VENTX: variants seen among roughly 807,000 people sequenced by gnomAD.
The protein encoded by VENTX is homeobox protein VENTX.
In VENTX, 13 loss-of-function variants were observed where a neutral mutation model predicts 10.5. That is an observed-to-expected ratio of 1.23 (90% CI 0.80 to 1.96). The LOEUF (loss-of-function observed/expected upper bound fraction) is 1.96. Ranked by LOEUF, VENTX falls within the 30% of genes most tolerant of loss-of-function variation. VENTX has a pLI of 0.00. For missense variants in VENTX, 400 were observed against 341.8 expected (o/e 1.17, Z -1.34); for synonymous variants, 177 against 150.4 (o/e 1.18, Z -1.29).
At position 133,238,174 on chromosome 10, in the gene VENTX, G is replaced by A. The variant is rs76544574; in HGVS notation, c.241+19G>A. ...ATGGCCGGTAGGTCCGGGTGGGGGG[G>A]GTCCCTTCCTTCCCAGGTGGAGATG... On this transcript the variant is annotated intron_variant, in intron 1 of 2. Transcript: ENST00000325980. 6.0e-3 allele frequency: 9,419 copies of A among 1,570,856 alleles called. 372 individuals carry two copies. The African/African-American group carries it at 0.089, about 15-fold the overall frequency.
In VENTX at chr10:133,238,013, C is replaced by A; in HGVS notation, c.99C>A (p.His33Gln). Reference protein sequence around the residue: ...LSQSSCSGPTHTPRPADFSLG... With the variant: ...LSQSSCSGPTQTPRPADFSLG... ...AGAGCAGCTGCTCAGGGCCGACCCA[C>A]ACCCCCAGGCCTGCCGACTTCTCCC... Residue 33 changes from histidine (H) to glutamine (Q), a missense_variant, in exon 1 of 3, where the codon CAC (histidine) becomes CAA (glutamine). By Grantham distance (24) the His-to-Gln change is conservative (BLOSUM62 0). Transcript: ENST00000325980. The A allele has an allele frequency of 6.2e-7, 1 of 1,600,390 alleles. No homozygotes were observed. The highest frequency in any genetic ancestry group is 8.5e-7 in the Non-Finnish European group (1 of 1,176,158).
chr10:133,239,612 C>A (rs1044312856), intron 1 of VENTX, 64 bp from the exon 2 acceptor site: 8 of 1,581,964 alleles, frequency 5.1e-6, no homozygotes, highest in South Asian at 1.1e-5. Context: ...ACCTGTTACC[C>A]GTGGGCACGA....
At chr10:133,238,981 A>C (rs969670394) in intron 1 of VENTX, among the ~76,000 whole-genome samples, 2 of 152,202 alleles carry the variant, frequency 1.3e-5, no homozygotes, top group Non-Finnish European at 2.9e-5. Context: ...CCAGTCCTAC[A>C]GCCCTCCCTG....
In VENTX at chr10:133,239,563, G is replaced by A. The variant is rs1845899425; in HGVS notation, c.242-113G>A. On this transcript the variant is annotated intron_variant, in intron 1 of 2. Coordinates refer to ENST00000325980, the MANE Select transcript of VENTX (RefSeq NM_014468.4). ...GGTGCTGCTGGTCACTGTCAGGTGA[G>A]AAGATCTGCCCTGCCCAGCCCCCAG... is the stretch of plus-strand genomic sequence containing the variant. The A allele has an allele frequency of 3.0e-6, 4 of 1,325,384 alleles. No individual in the cohort carries two copies. In the East Asian group the frequency reaches 7.5e-5, roughly 25 times the overall value. The allele number at this position is 1,325,384 out of a possible 1,614,324, so 82.1% of individuals were successfully genotyped here.
chr10:133,239,534 C>T lies in VENTX; in HGVS notation c.242-142C>T, dbSNP rs371351901. The T allele has an allele frequency of 7.6e-4, 752 of 986,062 alleles. 6 individuals are homozygous for T. In the South Asian group the frequency reaches 0.011, roughly 15 times the overall value. 61.1% of individuals were successfully genotyped at this position (986,062 alleles called of 1,614,324 possible). On this transcript the variant is annotated intron_variant, in intron 1 of 2. Coordinates refer to ENST00000325980, the MANE Select transcript of VENTX (RefSeq NM_014468.4). ...TTTCCGCATGTGACCTGGGAGGCGG[C>T]GGGGGTGCTGCTGGTCACTGTCAGG...
At chr10:133,239,273 G>A (rs114607007) in intron 1 of VENTX, among the ~76,000 whole-genome samples, 13 of 151,534 alleles carry the variant, frequency 8.6e-5, no homozygotes, top group African/African-American at 2.9e-4. Flanking sequence ...GTTGGCCTCC[G>A]CTGGCTGAGG....
Position 133,240,499 on chromosome 10 carries a change from T to C in VENTX, c.*193T>C. On this transcript the variant is annotated 3_prime_UTR_variant, in exon 3 of 3. Transcript: ENST00000325980. ...ATGTAAATACACATATACGTATATA[T>C]AAATATATATATACATATGTGTGTG... is the stretch of plus-strand genomic sequence containing the variant. 1 of 196,858 alleles carries C rather than the reference T, an allele frequency of 5.1e-6. No homozygotes were observed. Among genetic ancestry groups the C allele is most frequent in the South Asian group, 1.7e-4 (1 of 5,802 alleles). 12.2% of individuals were successfully genotyped at this position (196,858 alleles called of 1,614,324 possible).
At chr10:133,239,177 C>T (rs1022343193) in intron 1 of VENTX, among the ~76,000 whole-genome samples, 13 of 152,208 alleles carry the variant, frequency 8.5e-5, no homozygotes, top group East Asian at 5.8e-4. Context: ...CAGACCACCT[C>T]GTGGGGCCGT....
chr10:133,238,662 T>A (rs1028224524), intron 1 of VENTX, among the ~76,000 whole-genome samples: 6 of 152,190 alleles, frequency 3.9e-5, no homozygotes, highest in Non-Finnish European at 5.9e-5. Flanking sequence ...GTGACCCCGA[T>A]GCCTGCAGAA....
chr10:133,238,960 C>G (rs989093526), intron 1 of VENTX, among the ~76,000 whole-genome samples: 2 of 152,214 alleles, frequency 1.3e-5, no homozygotes, highest in African/African-American at 4.8e-5. Flanking sequence ...CCCGCAACCC[C>G]CTTTCTGATG....
intron 1 of VENTX, among the ~76,000 whole-genome samples, chr10:133,239,304 A>ATGGGTGCCCCTGGG (rs1845894964): frequency 6.6e-6 from 1 of 152,090 alleles, no homozygotes; most frequent in East Asian, 1.9e-4. Flanking sequence ...CGGGACAGGG[A>ATGGGTGCCCCTGGG]TGGGTGCCCC....
chr10:133,240,011 G>T lies in VENTX; in HGVS notation c.482G>T (p.Gly161Val), dbSNP rs756488565. 1.9e-6 allele frequency: 3 copies of T among 1,612,176 alleles called. No individual in the cohort carries two copies. The Admixed American group carries it at 5.0e-5, about 27-fold the overall frequency. Residue 161 changes from glycine to valine, a missense_variant, in exon 3 of 3, where the codon GGG becomes GTG. Transcript: ENST00000325980. ...QDPQLHSPFS[G>V]SLHAPPAFYS... ...CCCCAGCTGCACAGCCCCTTCTCGG[G>T]GTCTCTCCATGCGCCCCCAGCTTTC...
chr10:133,240,363 T>A lies in VENTX; in HGVS notation c.*57T>A. 6.6e-7 allele frequency: 1 copy of A among 1,513,656 alleles called. No individual in the cohort carries two copies. Among genetic ancestry groups the A allele is most frequent in the Non-Finnish European group, 8.8e-7 (1 of 1,132,666 alleles). The allele number at this position is 1,513,656 out of a possible 1,614,324, so 93.8% of individuals were successfully genotyped here. On this transcript the variant is annotated 3_prime_UTR_variant, in exon 3 of 3. Transcript: ENST00000325980. ...TTGCTGATCGCACCTGGCTCCTACC[T>A]GGAGGACTCAGTTGTTCTGTTTACA...
At position 133,239,792 on chromosome 10, in the gene VENTX, G is replaced by A. The variant is rs761744706; in HGVS notation, c.358G>A (p.Glu120Lys). ...GCACCACCAGTACCTGAGCCCTCTG[G>A]AGCGGAAGAGGCTGGCCAGGGAGAT... ...FQHHQYLSPL[E>K]RKRLAREMQL... The change falls in exon 2 of 3, where the codon GAG becomes AAG. Residue 120 changes from glutamate to lysine, a missense_variant. Transcript: ENST00000325980. 2 of 1,611,462 alleles carry A rather than the reference G, an allele frequency of 1.2e-6. No homozygotes were observed. Among genetic ancestry groups the A allele is most frequent in the African/African-American group, 2.7e-5 (2 of 74,812 alleles).
At chr10:133,239,596 G>A (rs1192167300) in intron 1 of VENTX, 80 bp from the exon 2 acceptor site, 3 of 1,539,636 alleles carry the variant, frequency 1.9e-6, no homozygotes, top group Non-Finnish European at 2.6e-6. Context: ...CAGCATGGCT[G>A]TCTTCACCTG....
chr10:133,239,000 C>A (rs1845891649), intron 1 of VENTX, among the ~76,000 whole-genome samples: 1 of 152,254 alleles, frequency 6.6e-6, no homozygotes, highest in Non-Finnish European at 1.5e-5. Context: ...TGCCAGAAGG[C>A]ATTTGCTTTT....
intron 1 of VENTX, 92 bp downstream of exon 1, chr10:133,238,247 C>T (rs940903713): frequency 7.0e-7 from 1 of 1,436,342 alleles, no homozygotes; most frequent in East Asian, 2.4e-5. Flanking sequence ...CCCCGCGGTG[C>T]CCTGCCCACT....
chr10:133,238,216 C>A, intron 1 of VENTX, 61 bp downstream of exon 1: 1 of 1,498,296 alleles, frequency 6.7e-7, no homozygotes, highest in Non-Finnish European at 8.9e-7. Context: ...GGGGAGAGGC[C>A]AGGAGCCCGG....
chr10:133,239,709 C>T lies in VENTX; in HGVS notation c.275C>T (p.Pro92Leu). The T allele has an allele frequency of 6.2e-7, 1 of 1,611,136 alleles. No homozygotes were observed. ...LSKEPNTLRA[P>L]RVRTAFTMEQ... ...AAGGAGCCAAATACCTTGCGGGCCC[C>T]CCGTGTCCGCACAGCCTTCACCATG... Residue 92 changes from proline to leucine, a missense_variant, in exon 2 of 3, where the codon CCC becomes CTC. Physicochemically the swap from Pro to Leu is moderately conservative, Grantham distance 98. Coordinates refer to ENST00000325980, the MANE Select transcript of VENTX (RefSeq NM_014468.4).
Sources: gnomAD v4.1 joint callset for allele counts (sites outside exome capture counted in the v4.1 genomes callset) on GRCh38, gnomAD v4.1.1 for gene constraint, MANE v1.5 for transcripts, NCBI Gene and HGNC (gene_info 2026-07-23, HGNC 2026-07-21) for gene names.